The following FLII variants were observed in gnomAD, a reference collection of about 807,000 sequenced individuals.
The protein encoded by FLII is FLII actin remodeling protein, also known as protein flightless-1 homolog.
FLII carries 101 observed loss-of-function variants against 156.2 expected under a neutral mutation model. The ratio of observed to expected loss-of-function variants is 0.65; its 90% CI spans 0.55 to 0.76. The LOEUF is 0.76. Ranked by LOEUF, FLII falls within the 30% of genes least tolerant of loss-of-function variation. The pLI is 0.00. For synonymous variants in FLII, 767 were observed against 685.8 expected, an observed-to-expected ratio of 1.12 and a Z score of -1.85; for missense variants, 1,675 against 1,682.8, an observed-to-expected ratio of 1.00 and a Z score of 0.08.
At position 18,253,623 on chromosome 17, in the gene FLII, G is replaced by A. The variant is rs770791920; in HGVS notation, c.776C>T (p.Thr259Met). The A allele has an allele frequency of 3.7e-6, 6 of 1,613,986 alleles. No homozygotes were observed. The highest frequency in any genetic ancestry group is 2.2e-5 in the East Asian group (1 of 44,896). ...RRLNLSSNQI[T>M]ELSLCIDQWV... is the part of the protein sequence containing the mutation. The stretch of plus-strand genomic sequence containing the variant: ...CTGGTCTATGCACAGGGACAGCTCC[G>A]TGATCTGGTTGCTGCTGAGGTTGAG... The change falls in exon 8 of 30, where the codon ACG (threonine) becomes ATG (methionine). Residue 259 changes from threonine to methionine, a missense_variant. Around this residue, in one of 2 missense-constraint regions of FLII, gnomAD observed 343 missense variants for 413.5 expected, o/e 0.83. Transcript: ENST00000327031.
At position 18,254,593 on chromosome 17, in the gene FLII, G is replaced by C. The variant is rs201815107; in HGVS notation, c.503C>G (p.Pro168Arg). 5 of 1,613,878 alleles carry C rather than the reference G, an allele frequency of 3.1e-6. No homozygotes were observed. In the Admixed American group the frequency reaches 5.0e-5, roughly 16 times the overall value. ...CAGGTGCACCAGGCGGCGCATCTGCGGGGGCAGGCTCTCCAGGCGGTTCTC... is the reference window on the plus strand; with the variant it reads ...CAGGTGCACCAGGCGGCGCATCTGCCGGGGCAGGCTCTCCAGGCGGTTCTC... ...LSENRLESLP[P>R]QMRRLVHLQT... The change falls in exon 6 of 30, where the codon CCG becomes CGG. Residue 168 changes from proline (P) to arginine (R), a missense_variant. This residue lies in a region of FLII where 343 missense variants were observed against 413.5 expected (regional missense o/e 0.83). Coordinates refer to ENST00000327031, the MANE Select transcript of FLII (RefSeq NM_002018.4).
At chr17:18,250,746 T>A in intron 14 of FLII, 92 bp downstream of exon 14, 1 of 1,376,984 alleles carries the variant, frequency 7.3e-7, no homozygotes, top group Non-Finnish European at 1.0e-6. Flanking sequence ...CCTGCCCACC[T>A]GTTCTGCCTA....
chr17:18,253,499 C>T, intron 8 of FLII, 41 bp from the exon 9 acceptor site: 1 of 1,613,318 alleles, frequency 6.2e-7, no homozygotes, highest in Non-Finnish European at 8.5e-7. Flanking sequence ...CAGGGCCAGG[C>T]TCACGGCCTT....
intron 6 of FLII, 55 bp downstream of exon 6, chr17:18,254,466 C>T (rs564833044): frequency 4.1e-5 from 62 of 1,525,712 alleles, no homozygotes; most frequent in South Asian, 6.2e-5. Context: ...TGAAGGGGCC[C>T]GGCCAGACTC....
rs768783137 is a variant in FLII, at chr17:18,246,054, A to C, written c.3276T>G (p.Phe1092Leu). 6.2e-7 allele frequency: 1 copy of C among 1,614,060 alleles called. No homozygotes were observed. The highest frequency in any genetic ancestry group is 8.5e-7 in the Non-Finnish European group (1 of 1,180,004). Reference sequence around the variant, plus strand: ...CGATGCCCTGGTTGTCCTCACTCTCAAAGGGAACCTGGGGAGTGTGCAGGG... The same window carrying C: ...CGATGCCCTGGTTGTCCTCACTCTCCAAGGGAACCTGGGGAGTGTGCAGGG... ...SEFCFILKVP[F>L]ESEDNQGIVY... Residue 1092 changes from phenylalanine to leucine, a missense_variant, in exon 26 of 30, where the codon TTT becomes TTG. Transcript: ENST00000327031.
upstream of FLII, chr17:18,258,988 G>T (rs981052834): frequency 3.9e-5 from 8 of 205,440 alleles, no homozygotes; most frequent in African/African-American, 4.7e-5. The surrounding 1 kb of genome is among the most constrained non-coding windows in gnomAD (Gnocchi z 4.2). Flanking sequence ...GCTGGTCGAG[G>T]CACCGTCACC....
rs750759339 is a variant in FLII at position 18,245,034 on chromosome 17, C to T, written c.*104G>A. ...GGCTACTGGGGACTGTGGCACTGGA[C>T]GTGGCTGGAGCAGGTGGTGTCACCT... On this transcript the variant is annotated 3_prime_UTR_variant, in exon 30 of 30. Coordinates refer to ENST00000327031, the MANE Select transcript of FLII (RefSeq NM_002018.4). The T allele has an allele frequency of 2.1e-5, 27 of 1,301,190 alleles. No homozygotes were observed. Among genetic ancestry groups the T allele is most frequent in the Non-Finnish European group, 2.7e-5 (25 of 935,118 alleles). The allele number at this position is 1,301,190 out of a possible 1,614,324, so 80.6% of individuals were successfully genotyped here.
At chr17:18,253,830 A>G in intron 7 of FLII, 111 bp from the exon 8 acceptor site, 1 of 1,131,520 alleles carries the variant, frequency 8.8e-7, no homozygotes, top group South Asian at 1.6e-5. Context: ...GGCTTAGGCA[A>G]GTGACAACTG....
chr17:18,252,761 G>A (rs1005118109), intron 9 of FLII, among the ~76,000 whole-genome samples: 1 of 152,210 alleles, frequency 6.6e-6, no homozygotes, highest in Non-Finnish European at 1.5e-5. Context: ...GCAACACTGC[G>A]TTCCCACGTC....
chr17:18,249,514 T>C (rs1156985500), intron 14 of FLII, 106 bp from the exon 15 acceptor site: 20 of 798,458 alleles, frequency 2.5e-5, no homozygotes, highest in Non-Finnish European at 3.8e-5. Context: ...AATTGAGTGC[T>C]ACAAATCTAT....
chr17:18,245,511 A>C (rs762892801), intron 28 of FLII, 44 bp downstream of exon 28: 1 of 1,612,042 alleles, frequency 6.2e-7, no homozygotes, highest in Non-Finnish European at 8.5e-7. Context: ...AAGTAAGTCT[A>C]TGGGCGCCTC....
At position 18,246,471 on chromosome 17, in the gene FLII, G is replaced by A. The variant is rs757498156; in HGVS notation, c.3052-9C>T. 2 of 1,613,640 alleles carry A rather than the reference G, an allele frequency of 1.2e-6. No individual in the cohort carries two copies. Among genetic ancestry groups the A allele is most frequent in the African/African-American group, 1.3e-5 (1 of 74,924 alleles). Reference sequence around the variant, plus strand: ...TGCGTCATGCGTACCACCTGGGGATGTGGAAGTGTTAGGGGCAGCTCCCTG... The same window carrying A: ...TGCGTCATGCGTACCACCTGGGGATATGGAAGTGTTAGGGGCAGCTCCCTG... On this transcript the variant is annotated splice_polypyrimidine_tract_variant and intron_variant, in intron 23 of 29. Coordinates refer to ENST00000327031, the MANE Select transcript of FLII (RefSeq NM_002018.4).
chr17:18,258,404 C>A lies in FLII; in HGVS notation c.63+224G>T. ...CGGGCCCCCGGCGGGACTCCGAGCC[C>A]AAGCGTCCGTCCCCGGCCTGCCCAG... On this transcript the variant is annotated intron_variant, in intron 1 of 29. Transcript: ENST00000327031. The surrounding 1 kb of genome is among the most constrained non-coding windows in gnomAD (Gnocchi z 4.2). 7.4e-7 allele frequency: 1 copy of A among 1,352,534 alleles called. No individual in the cohort carries two copies. The highest frequency in any genetic ancestry group is 1.3e-5 in the South Asian group (1 of 75,280). The allele number at this position is 1,352,534 out of a possible 1,614,324, so 83.8% of individuals were successfully genotyped here.
rs1049246210 is a variant in FLII at position 18,258,541 on chromosome 17, C to T, written c.63+87G>A. 2.0e-6 allele frequency: 3 copies of T among 1,516,534 alleles called. No individual in the cohort carries two copies. The highest frequency in any genetic ancestry group is 2.6e-6 in the Non-Finnish European group (3 of 1,139,128). 93.9% of individuals were successfully genotyped at this position (1,516,534 alleles called of 1,614,324 possible). On this transcript the variant is annotated intron_variant, in intron 1 of 29. Transcript: ENST00000327031. This position sits in a 1 kb window ranked among gnomAD's most constrained non-coding sequence, Gnocchi z 4.2. ...TCCCTGGGACACGCAGGGCCTGGAG[C>T]CGAGCGGGACAGGAAGCGGAGGCCA... is the stretch of plus-strand genomic sequence containing the variant.
At chr17:18,253,885 G>T in intron 7 of FLII, 166 bp from the exon 8 acceptor site, 2 of 805,514 alleles carry the variant, frequency 2.5e-6, no homozygotes, top group Non-Finnish European at 3.8e-6. Context: ...CCTCACATGG[G>T]GGTTGCGGGG....
At chr17:18,254,287 T>C (rs1356285397) in intron 6 of FLII, 105 bp from the exon 7 acceptor site, 3 of 941,342 alleles carry the variant, frequency 3.2e-6, no homozygotes, top group Non-Finnish European at 3.1e-6. Flanking sequence ...AGGGTAGGTG[T>C]GAGGTCACAT....
At chr17:18,252,943 G>A (rs1210568945) in intron 9 of FLII, among the ~76,000 whole-genome samples, 3 of 151,942 alleles carry the variant, frequency 2.0e-5, no homozygotes. Flanking sequence ...TTGAGGACAG[G>A]CATTCAAGAC....
intron 2 of FLII, 98 bp from the exon 3 acceptor site, chr17:18,256,695 C>T (rs1239142481): frequency 9.2e-7 from 1 of 1,083,906 alleles, no homozygotes; most frequent in East Asian, 2.6e-5. Context: ...AAGGCCTCAG[C>T]CACACTGGCC....
rs758272453 is a variant in FLII at position 18,247,166 on chromosome 17, C to A, written c.2676+3G>T. 19 of 1,554,956 alleles carry A rather than the reference C, an allele frequency of 1.2e-5. No homozygotes were observed. The highest frequency in any genetic ancestry group is 5.5e-5 in the African/African-American group (4 of 72,412). On this transcript the variant is annotated splice_donor_region_variant and intron_variant, in intron 21 of 29. Transcript: ENST00000327031. The stretch of plus-strand genomic sequence containing the variant: ...CGCGCCCCGGTCCCGGCCCTGCCCC[C>A]ACCTCGGCCAGCGACATGGGCGGCT...
Sources: gnomAD v4.1 joint callset for allele counts (sites outside exome capture counted in the v4.1 genomes callset) on GRCh38, gnomAD v4.1.1 for gene constraint, gnomAD v4.1.1 regional missense constraint, Gnocchi (gnomAD v3.1) non-coding constraint, MANE v1.5 for transcripts, NCBI Gene and HGNC (gene_info 2026-07-23, HGNC 2026-07-21) for gene names.